BRINP2: variants seen among roughly 807,000 people sequenced by gnomAD.
BRINP2 encodes BMP/retinoic acid-inducible neural-specific protein 2.
In BRINP2, 21 loss-of-function variants were observed where a neutral mutation model predicts 69.2. The observed-to-expected ratio is 0.30, with a 90% CI of 0.22 to 0.44. The LOEUF (loss-of-function observed/expected upper bound fraction) is 0.44, where lower values mean the gene tolerates loss of function less well. Ranked by LOEUF, BRINP2 falls within the 20% of genes least tolerant of loss-of-function variation. The pLI is 1.00. For synonymous variants in BRINP2, 380 were observed against 394.1 expected, an observed-to-expected ratio of 0.96 and a Z score of 0.42; for missense variants, 877 against 986.0, an observed-to-expected ratio of 0.89 and a Z score of 1.48.
chr1:177,231,724 G>A (rs1649865890), intron 2 of BRINP2, among the ~76,000 whole-genome samples: 1 of 152,222 alleles, frequency 6.6e-6, no homozygotes, highest in Admixed American at 6.5e-5. Context: ...TCCCTGCTTT[G>A]GTGACTCTGG....
At chr1:177,203,883 G>A (rs1027063361) in intron 1 of BRINP2, among the ~76,000 whole-genome samples, 3 of 152,144 alleles carry the variant, frequency 2.0e-5, no homozygotes, top group African/African-American at 4.8e-5. Flanking sequence ...GTTTCAAGAG[G>A]CTATAATCAG....
At chr1:177,240,214 T>C (rs1650153408) in intron 2 of BRINP2, among the ~76,000 whole-genome samples, 1 of 152,098 alleles carries the variant, frequency 6.6e-6, no homozygotes, top group Non-Finnish European at 1.5e-5. Context: ...GGGGAGTGAG[T>C]TCTCCTGGAT....
intron 1 of BRINP2, among the ~76,000 whole-genome samples, chr1:177,195,824 C>A (rs1297350089): frequency 6.6e-6 from 1 of 151,946 alleles, no homozygotes; most frequent in Non-Finnish European, 1.5e-5. Flanking sequence ...GGCAAAAATG[C>A]CCTGTAGGTA....
chr1:177,274,842 A>T (rs1009824608), intron 5 of BRINP2, among the ~76,000 whole-genome samples: 1 of 152,082 alleles, frequency 6.6e-6, no homozygotes, highest in Non-Finnish European at 1.5e-5. Context: ...AAGGAAGGAA[A>T]ATTTAGGGGC....
At chr1:177,235,549 A>T (rs1649995516) in intron 2 of BRINP2, among the ~76,000 whole-genome samples, 1 of 152,094 alleles carries the variant, frequency 6.6e-6, no homozygotes, top group Admixed American at 6.5e-5. Context: ...GGAGATGGGG[A>T]AGTGAGGAGG....
intron 2 of BRINP2, among the ~76,000 whole-genome samples, chr1:177,240,945 T>G (rs1342582786): frequency 6.6e-6 from 1 of 151,890 alleles, no homozygotes; most frequent in Non-Finnish European, 1.5e-5. Flanking sequence ...CTTGAACAGT[T>G]CCAGCCATGA....
chr1:177,229,766 G>T, intron 1 of BRINP2, 35 bp from the exon 2 acceptor site: 1 of 1,428,070 alleles, frequency 7.0e-7, no homozygotes, highest in Non-Finnish European at 9.4e-7. Flanking sequence ...GGGTAACAGG[G>T]TGCTCAAATG....
intron 4 of BRINP2, among the ~76,000 whole-genome samples, chr1:177,263,402 G>C (rs897168226): frequency 2.0e-4 from 31 of 152,178 alleles, no homozygotes; most frequent in South Asian, 2.1e-4. Context: ...TGGCTTCAAA[G>C]GAGCCAGAGA....
Position 177,280,661 on chromosome 1 carries a change from G to A in BRINP2, c.1485G>A (p.Val495=). The change falls in exon 8 of 8, where the codon GTG becomes GTA. Residue 495 remains valine, a synonymous_variant. Coordinates refer to ENST00000361539, the MANE Select transcript of BRINP2 (RefSeq NM_021165.4). ...VLAQGLCRPE[V]AESLENFLGL... is the part of the protein sequence containing the mutation. ...CCCAGGGGCTGTGCCGGCCAGAGGT[G>A]GCCGAGTCCCTGGAAAACTTTCTTG... The A allele has an allele frequency of 6.2e-7, 1 of 1,614,226 alleles. No homozygotes were observed. Among genetic ancestry groups the A allele is most frequent in the Non-Finnish European group, 8.5e-7 (1 of 1,180,040 alleles).
At chr1:177,224,664 T>C (rs937133185) in intron 1 of BRINP2, among the ~76,000 whole-genome samples, 4 of 151,996 alleles carry the variant, frequency 2.6e-5, no homozygotes, top group African/African-American at 9.7e-5. Flanking sequence ...CTAGGATAGG[T>C]AGACCTCAAT....
At chr1:177,276,780 T>C (rs1651509624) in intron 6 of BRINP2, among the ~76,000 whole-genome samples, 1 of 152,262 alleles carries the variant, frequency 6.6e-6, no homozygotes, top group Non-Finnish European at 1.5e-5. Flanking sequence ...AAATATCTGT[T>C]GAATCAATGA....
At chr1:177,197,014 G>A (rs1181110321) in intron 1 of BRINP2, among the ~76,000 whole-genome samples, 1 of 152,148 alleles carries the variant, frequency 6.6e-6, no homozygotes, top group African/African-American at 2.4e-5. Flanking sequence ...TCTTTAGGAG[G>A]TAATTAAGGT....
intron 2 of BRINP2, among the ~76,000 whole-genome samples, chr1:177,231,797 C>A (rs1649867990): frequency 6.6e-6 from 1 of 152,192 alleles, no homozygotes; most frequent in Admixed American, 6.5e-5. Flanking sequence ...CAGAGAGCAC[C>A]AACTCAGGCT....
At chr1:177,235,464 G>T (rs1303794007) in intron 2 of BRINP2, among the ~76,000 whole-genome samples, 2 of 152,174 alleles carry the variant, frequency 1.3e-5, no homozygotes, top group African/African-American at 4.8e-5. Context: ...CATAAGAGTA[G>T]GTACCGCAGC....
chr1:177,236,438 A>G (rs376958397), intron 2 of BRINP2, among the ~76,000 whole-genome samples: 21 of 152,226 alleles, frequency 1.4e-4, no homozygotes, highest in African/African-American at 3.6e-4. Context: ...GAAATTTTAC[A>G]TAAACAAACA....
chr1:177,196,554 GT>G (rs1298914935), intron 1 of BRINP2, among the ~76,000 whole-genome samples: 1 of 151,892 alleles, frequency 6.6e-6, no homozygotes, highest in Non-Finnish European at 1.5e-5. Flanking sequence ...GGAGTCAGAG[GT>G]TGCAGTGAGC....
At chr1:177,258,875 C>G (rs1650852887) in intron 4 of BRINP2, among the ~76,000 whole-genome samples, 1 of 152,212 alleles carries the variant, frequency 6.6e-6, no homozygotes, top group South Asian at 2.1e-4. Context: ...TCCCCTATCT[C>G]TCTCACTTTT....
chr1:177,185,188 TC>T (rs1158369643), intron 1 of BRINP2, among the ~76,000 whole-genome samples: 1 of 151,974 alleles, frequency 6.6e-6, no homozygotes, highest in Non-Finnish European at 1.5e-5. Context: ...GAACGTGCCC[TC>T]CTTTCCACCC....
chr1:177,235,164 C>T (rs1472487035), intron 2 of BRINP2, among the ~76,000 whole-genome samples: 1 of 152,180 alleles, frequency 6.6e-6, no homozygotes, highest in African/African-American at 2.4e-5. Flanking sequence ...AACGTCAGGC[C>T]TCTCCCCAGA....
Sources: gnomAD v4.1 joint callset for allele counts (sites outside exome capture counted in the v4.1 genomes callset) on GRCh38, gnomAD v4.1.1 for gene constraint, MANE v1.5 for transcripts, NCBI Gene and HGNC (gene_info 2026-07-23, HGNC 2026-07-21) for gene names.